Variants in C9orf153 observed in about 807,000 individuals in gnomAD.
The protein encoded by C9orf153 is uncharacterized protein C9orf153.
Under a neutral mutation model 9.0 loss-of-function variants are expected in C9orf153, and 10 were observed. That is an observed-to-expected ratio of 1.11 (90% CI 0.69 to 1.89). The LOEUF is 1.89. Among genes scored for constraint, C9orf153 ranks in the 40% most tolerant of loss-of-function variants. The pLI, the probability that C9orf153 is intolerant of heterozygous loss-of-function variation, is 0.00. For synonymous variants in C9orf153, 35 were observed against 37.3 expected (o/e 0.94, Z 0.23); for missense variants, 108 against 111.0 (o/e 0.97, Z 0.12).
At chr9:86,255,054 C>T (rs376563954) in intron 1 of C9orf153, among the ~76,000 whole-genome samples, 13 of 141,878 alleles carry the variant, frequency 9.2e-5, no homozygotes, top group African/African-American at 3.2e-4. Flanking sequence ...GACAGTGAGA[C>T]GCTGTCTCAG....
At chr9:86,227,814 C>G in intron 3 of C9orf153, 41 bp downstream of exon 3, 1 of 1,577,624 alleles carries the variant, frequency 6.3e-7, no homozygotes, top group African/African-American at 1.4e-5. Flanking sequence ...TAGAGGAGCT[C>G]AATCATGGAT....
At chr9:86,222,857 T>G (rs1824237179) in intron 3 of C9orf153, among the ~76,000 whole-genome samples, 4 of 152,136 alleles carry the variant, frequency 2.6e-5, no homozygotes, top group South Asian at 4.1e-4. Context: ...TGTGGTGACA[T>G]TTGAGCATGT....
At chr9:86,243,831 C>G (rs544495455) in intron 1 of C9orf153, among the ~76,000 whole-genome samples, 1 of 152,210 alleles carries the variant, frequency 6.6e-6, no homozygotes, top group Non-Finnish European at 1.5e-5. Context: ...TTCTGAAAAG[C>G]AGGCTGCATC....
At chr9:86,232,631 C>T (rs1824496659) in intron 1 of C9orf153, among the ~76,000 whole-genome samples, 2 of 152,162 alleles carry the variant, frequency 1.3e-5, no homozygotes, top group African/African-American at 4.8e-5. Context: ...TTTCACCCTT[C>T]CCTCCAAATC....
rs763237472 is a variant in C9orf153, at chr9:86,228,038, CA to C, written c.67-9del. On this transcript the variant is annotated splice_polypyrimidine_tract_variant and intron_variant, in intron 2 of 3. Coordinates refer to ENST00000339137, the MANE Select transcript of C9orf153 (RefSeq NM_001276366.4). ...TGCATATAATTCTGGAAGCTGTGGA[CA>C]AAAAAAAAAGTGGTAAGTCACGAGA... 7.6e-3 allele frequency: 9,322 copies of C among 1,232,842 alleles called. No homozygotes were observed. The highest frequency in any genetic ancestry group is 0.02 in the South Asian group (1,163 of 58,374). 76.4% of individuals were successfully genotyped at this position (1,232,842 alleles called of 1,614,324 possible). A position where few individuals can be genotyped will look rare whatever the true frequency, so the allele number is the denominator to read the frequency against.
At chr9:86,236,829 G>A (rs1292945141) in intron 1 of C9orf153, among the ~76,000 whole-genome samples, 2 of 151,434 alleles carry the variant, frequency 1.3e-5, no homozygotes, top group Non-Finnish European at 2.9e-5. Context: ...GGCTGGACTA[G>A]GTGGCTCATG....
chr9:86,259,504 C>G (rs1439919611), intron 1 of C9orf153, 46 bp downstream of exon 1: 1 of 152,302 alleles, frequency 6.6e-6, no homozygotes, highest in East Asian at 1.9e-4. Flanking sequence ...TTTCACTGCT[C>G]TGTGGTCTCA....
At chr9:86,225,750 G>A (rs570540993) in intron 3 of C9orf153, among the ~76,000 whole-genome samples, 32 of 152,304 alleles carry the variant, frequency 2.1e-4, no homozygotes, top group Admixed American at 5.9e-4. Context: ...CTGCCAAAGT[G>A]CTGGGATTAT....
chr9:86,228,910 G>C (rs1260359471), intron 2 of C9orf153: 2 of 252,296 alleles, frequency 7.9e-6, no homozygotes, highest in Non-Finnish European at 1.6e-5. Context: ...CCAGACCCTG[G>C]AACCAGTATG....
intron 1 of C9orf153, among the ~76,000 whole-genome samples, chr9:86,243,922 G>A (rs1338845526): frequency 3.3e-5 from 5 of 152,152 alleles, no homozygotes; most frequent in African/African-American, 9.7e-5. Flanking sequence ...GCATGAAGTT[G>A]GACATAGCTG....
chr9:86,223,318 A>G (rs1214502052), intron 3 of C9orf153, among the ~76,000 whole-genome samples: 1 of 152,150 alleles, frequency 6.6e-6, no homozygotes, highest in African/African-American at 2.4e-5. Context: ...AATACAAAAA[A>G]TTAGCTGGGC....
chr9:86,246,546 G>A (rs1019571595), intron 1 of C9orf153, among the ~76,000 whole-genome samples: 2 of 152,148 alleles, frequency 1.3e-5, no homozygotes, highest in African/African-American at 4.8e-5. Flanking sequence ...AACTGGACTC[G>A]TGGATTAACA....
intron 1 of C9orf153, among the ~76,000 whole-genome samples, chr9:86,251,056 G>T (rs1234981421): frequency 6.6e-6 from 1 of 152,130 alleles, no homozygotes; most frequent in Non-Finnish European, 1.5e-5. Flanking sequence ...ACTGCAGCTG[G>T]CCAAATGTTT....
chr9:86,255,393 T>G (rs943211980), intron 1 of C9orf153, among the ~76,000 whole-genome samples: 1 of 152,218 alleles, frequency 6.6e-6, no homozygotes, highest in African/African-American at 2.4e-5. Context: ...ATTTGCATCG[T>G]ACACAATCTG....
intron 1 of C9orf153, among the ~76,000 whole-genome samples, chr9:86,236,162 A>G (rs968592130): frequency 6.6e-6 from 1 of 152,212 alleles, no homozygotes; most frequent in South Asian, 2.1e-4. Context: ...AAGCATGCAA[A>G]GAAGCAGAGA....
rs182175761 is a variant in C9orf153, at chr9:86,223,422, C to G, written c.243-1689G>C. Among the ~76,000 whole-genome samples the G allele has an allele frequency of 1.6e-3, 251 of 152,172 alleles. 1 individual carries two copies. The highest frequency in any genetic ancestry group is 5.6e-3 in the African/African-American group (232 of 41,522). On this transcript the variant is annotated intron_variant, in intron 3 of 3. Transcript: ENST00000339137. ...GGCGGAGGTTGCAGTGAGCCGAGAT[C>G]GTGCTGCTGCACTCCAGCCTGGGTG...
chr9:86,238,273 C>T (rs999850704), intron 1 of C9orf153, among the ~76,000 whole-genome samples: 10 of 152,280 alleles, frequency 6.6e-5, no homozygotes, highest in Admixed American at 2.0e-4. Flanking sequence ...ACGGTCCCAT[C>T]AATCAACTGG....
intron 1 of C9orf153, among the ~76,000 whole-genome samples, chr9:86,234,855 A>T (rs1488283590): frequency 6.6e-6 from 1 of 152,188 alleles, no homozygotes; most frequent in East Asian, 1.9e-4. Context: ...GAAATCAGCA[A>T]TTAAAAGACA....
chr9:86,228,103 T>A, intron 2 of C9orf153, 73 bp from the exon 3 acceptor site: 1 of 1,106,170 alleles, frequency 9.0e-7, no homozygotes, highest in Non-Finnish European at 1.3e-6. Context: ...CTACAAACCC[T>A]AGAAAAAACC....
Sources: gnomAD v4.1 joint callset for allele counts (sites outside exome capture counted in the v4.1 genomes callset) on GRCh38, gnomAD v4.1.1 for gene constraint, MANE v1.5 for transcripts, NCBI Gene and HGNC (gene_info 2026-07-23, HGNC 2026-07-21) for gene names.